Variants in PTPRG observed in about 807,000 individuals in gnomAD.
PTPRG encodes the protein protein tyrosine phosphatase receptor type G.
Under a neutral mutation model 165.3 loss-of-function variants are expected in PTPRG, and 102 were observed. That is an observed-to-expected ratio of 0.62 (90% CI 0.53 to 0.73). PTPRG has a LOEUF of 0.73. Among genes scored for constraint, PTPRG ranks in the 30% least tolerant of loss-of-function variants. The probability of loss-of-function intolerance (pLI) is 0.00; values close to 1 mark genes in which losing one functional copy is unlikely to be tolerated. For missense variants in PTPRG, 1,866 were observed against 1,861.4 expected (o/e 1.00, Z -0.05); for synonymous variants, 675 against 669.5 (o/e 1.01, Z -0.13).
intron 5 of PTPRG, among the ~76,000 whole-genome samples, chr3:62,098,032 TTA>T (rs1491400286): frequency 1.3e-5 from 2 of 152,194 alleles, no homozygotes; most frequent in African/African-American, 4.8e-5. Context: ...TAATTCGAGG[TTA>T]TCTTCATTAA....
chr3:61,995,134 G>A lies in PTPRG; in HGVS notation c.370+5330G>A, dbSNP rs143410409. On this transcript the variant is annotated intron_variant, in intron 3 of 29. Coordinates refer to ENST00000474889, the MANE Select transcript of PTPRG (RefSeq NM_002841.4). ...GACAGAGTCTTGCTATGTTGCCCAG[G>A]CTGGAATGCAATGTCACCATCTTGG... 3.2e-3 allele frequency among the ~76,000 whole-genome samples: 434 copies of A among 136,594 alleles called. 2 individuals carry two copies. The highest frequency in any genetic ancestry group is 0.012 in the African/African-American group (412 of 34,346). The allele number at this position is 136,594 out of a possible 152,430, so 89.6% of individuals were successfully genotyped here.
rs1427830069 is a variant in PTPRG at position 62,254,802 on chromosome 3, G to A, written c.2468-322G>A. On this transcript the variant is annotated intron_variant, in intron 15 of 29. Transcript: ENST00000474889. This position sits in a 1 kb window ranked among gnomAD's most constrained non-coding sequence, Gnocchi z 4.6. ...AATTTCTTGGCAAATGGGTACCCTT[G>A]ATAAATTCACACTTTTAGTTAAGAG... is the stretch of plus-strand genomic sequence containing the variant. Among the ~76,000 whole-genome samples the A allele has an allele frequency of 6.6e-6, 1 of 152,080 alleles. No homozygotes were observed. Among genetic ancestry groups the A allele is most frequent in the Non-Finnish European group, 1.5e-5 (1 of 68,010 alleles).
chr3:61,610,753 C>CCCTCCCTCCCTCCCTT (rs1701140900), intron 1 of PTPRG, among the ~76,000 whole-genome samples: 1 of 119,384 alleles, frequency 8.4e-6, no homozygotes, highest in Non-Finnish European at 1.8e-5. Context: ...CTCCCTGCCT[C>CCCTCCCTCCCTCCCTT]CCTCCCTCCC....
At chr3:61,849,898 T>C (rs960956017) in intron 2 of PTPRG, among the ~76,000 whole-genome samples, 1 of 152,078 alleles carries the variant, frequency 6.6e-6, no homozygotes, top group African/African-American at 2.4e-5. Context: ...TTAAGAGGAG[T>C]TGGACTAAAT....
intron 4 of PTPRG, among the ~76,000 whole-genome samples, chr3:62,044,829 A>G (rs1232155646): frequency 2.0e-5 from 3 of 151,938 alleles, no homozygotes; most frequent in Non-Finnish European, 4.4e-5. Context: ...CTGTATTCTT[A>G]TTTACTTTGT....
At chr3:61,916,537 T>C (rs2038940429) in intron 2 of PTPRG, among the ~76,000 whole-genome samples, 1 of 152,212 alleles carries the variant, frequency 6.6e-6, no homozygotes, top group Non-Finnish European at 1.5e-5. Context: ...TTTCTGTGTG[T>C]GCTGTAACAT....
intron 2 of PTPRG, among the ~76,000 whole-genome samples, chr3:61,789,976 T>A (rs1255152687): frequency 2.6e-4 from 39 of 152,236 alleles, no homozygotes; most frequent in Admixed American, 2.6e-3. Context: ...AGTGCTTCAT[T>A]TTCAGCAGCT....
At chr3:61,857,115 C>A (rs1188678043) in intron 2 of PTPRG, among the ~76,000 whole-genome samples, 1 of 151,874 alleles carries the variant, frequency 6.6e-6, no homozygotes, top group African/African-American at 2.4e-5. Flanking sequence ...CCTCTCTCAA[C>A]ATAGCCTCAT....
At chr3:61,931,666 C>T (rs1360862368) in intron 2 of PTPRG, among the ~76,000 whole-genome samples, 8 of 152,314 alleles carry the variant, frequency 5.3e-5, no homozygotes, top group East Asian at 1.9e-4. Context: ...CATGATCAAA[C>T]GCACAACTGA....
intron 15 of PTPRG, among the ~76,000 whole-genome samples, chr3:62,247,671 G>C (rs1701319137): frequency 6.6e-6 from 1 of 152,088 alleles, no homozygotes; most frequent in Non-Finnish European, 1.5e-5. Context: ...AAATGACTTA[G>C]GAAACAAGTC....
rs559340347 is a variant in PTPRG at position 61,664,243 on chromosome 3, C to T, written c.86-84635C>T. 8.7e-4 allele frequency among the ~76,000 whole-genome samples: 132 copies of T among 152,272 alleles called. 1 individual carries two copies. The South Asian group carries it at 0.014, about 16-fold the overall frequency. On this transcript the variant is annotated intron_variant, in intron 1 of 29. Transcript: ENST00000474889. ...GCTCCTTGTAGTCAAGCTAGTGTCA[C>T]GCCCCTCGCATTTTTAAGAAGGTAA...
chr3:62,235,791 T>C (rs1467210950), intron 14 of PTPRG, among the ~76,000 whole-genome samples: 1 of 152,194 alleles, frequency 6.6e-6, no homozygotes, highest in Non-Finnish European at 1.5e-5. Flanking sequence ...TTAGTATCTG[T>C]TTCCTCTTTC....
intron 2 of PTPRG, among the ~76,000 whole-genome samples, chr3:61,792,819 C>T (rs942072265): frequency 2.6e-5 from 4 of 151,848 alleles, no homozygotes; most frequent in Non-Finnish European, 4.4e-5. Flanking sequence ...ACCTCCGCCT[C>T]CTGGGTTCAA....
intron 1 of PTPRG, among the ~76,000 whole-genome samples, chr3:61,735,693 T>C (rs1054798832): frequency 1.3e-5 from 2 of 152,174 alleles, no homozygotes; most frequent in Non-Finnish European, 2.9e-5. Context: ...AGCATATTTG[T>C]CCCTGAATAC....
intron 3 of PTPRG, among the ~76,000 whole-genome samples, chr3:61,991,702 C>G (rs1479841599): frequency 6.6e-6 from 1 of 152,238 alleles, no homozygotes; most frequent in African/African-American, 2.4e-5. Flanking sequence ...TGGGTGCAAT[C>G]AGATTGGAAC....
In PTPRG at chr3:61,716,271, T is replaced by C. The variant is rs143198038; in HGVS notation, c.86-32607T>C. Among the ~76,000 whole-genome samples the C allele has an allele frequency of 2.2e-3, 335 of 152,314 alleles. 2 individuals are homozygous for C. Among genetic ancestry groups the C allele is most frequent in the African/African-American group, 7.8e-3 (324 of 41,570 alleles). On this transcript the variant is annotated intron_variant, in intron 1 of 29. Coordinates refer to ENST00000474889, the MANE Select transcript of PTPRG (RefSeq NM_002841.4). ...AGTGCTATTTTGTGGTAATTTAATG[T>C]ATTTTTTTCATGAATAATTTACCCA...
intron 2 of PTPRG, among the ~76,000 whole-genome samples, chr3:61,915,316 C>T (rs2038908009): frequency 6.6e-6 from 1 of 152,214 alleles, no homozygotes; most frequent in South Asian, 2.1e-4. Flanking sequence ...TTCTCCATTT[C>T]CTTTTCTTTG....
Position 61,861,167 on chromosome 3 carries a change from T to A in PTPRG, c.190+112185T>A, listed in dbSNP as rs564974666. Among the ~76,000 whole-genome samples the A allele has an allele frequency of 2.4e-4, 37 of 152,342 alleles. 2 individuals carry two copies. The East Asian group carries it at 2.7e-3, about 11-fold the overall frequency. ...TTTTTATTGCCAATTTTTAAAAATA[T>A]AGAATGTTACTTTAAGAAGATCGTT... On this transcript the variant is annotated intron_variant, in intron 2 of 29. Coordinates refer to ENST00000474889, the MANE Select transcript of PTPRG (RefSeq NM_002841.4).
intron 2 of PTPRG, among the ~76,000 whole-genome samples, chr3:61,830,566 G>GTTTTTGT (rs2036253232): frequency 1.3e-3 from 113 of 86,528 alleles, no homozygotes; most frequent in Non-Finnish European, 2.3e-3. Context: ...TTTTGTTTTT[G>GTTTTTGT]TTTTTTTTTT....
Sources: gnomAD v4.1 joint callset for allele counts (sites outside exome capture counted in the v4.1 genomes callset) on GRCh38, gnomAD v4.1.1 for gene constraint, Gnocchi (gnomAD v3.1) non-coding constraint, MANE v1.5 for transcripts, NCBI Gene and HGNC (gene_info 2026-07-23, HGNC 2026-07-21) for gene names.